Variants in SNRPN observed in about 807,000 individuals in gnomAD.
SNRPN encodes the protein small nuclear ribonucleoprotein polypeptide N, also known as small nuclear ribonucleoprotein-associated protein N.
Under a neutral mutation model 25.2 loss-of-function variants are expected in SNRPN, and 7 were observed. The ratio of observed to expected loss-of-function variants is 0.28; its 90% CI spans 0.16 to 0.52. The LOEUF (loss-of-function observed/expected upper bound fraction) is 0.52, where lower values mean the gene tolerates loss of function less well. Ranked by LOEUF, SNRPN falls within the 20% of genes least tolerant of loss-of-function variation. SNRPN has a pLI of 0.96. For synonymous variants in SNRPN, 124 were observed against 110.6 expected (o/e 1.12, Z -0.76); for missense variants, 196 against 322.5 (o/e 0.61, Z 3.00).
At chr15:24,871,634 T>A (rs947264072) in intron 1 of SNRPN, among the ~76,000 whole-genome samples, 2 of 152,020 alleles carry the variant, frequency 1.3e-5, no homozygotes, top group Admixed American at 1.3e-4. Context: ...TGTCTTTTAT[T>A]TTTTGAGATG....
intron 1 of SNRPN, among the ~76,000 whole-genome samples, chr15:24,825,275 C>A (rs2050000490): frequency 6.9e-6 from 1 of 144,428 alleles, no homozygotes; most frequent in Admixed American, 7.0e-5. Context: ...GCGCCATTGA[C>A]CTTAAATTTC....
chr15:24,846,183 A>C (rs1375663804), intron 2 of SNRPN, among the ~76,000 whole-genome samples: 1 of 152,198 alleles, frequency 6.6e-6, no homozygotes, highest in Admixed American at 6.5e-5. Flanking sequence ...CAATCTGATC[A>C]GCATTTTCTA....
chr15:24,913,366 G>T (rs1009026821), intron 2 of SNRPN, among the ~76,000 whole-genome samples: 2 of 152,138 alleles, frequency 1.3e-5, no homozygotes, highest in Non-Finnish European at 2.9e-5. Flanking sequence ...ATAAGGGCTG[G>T]GCATAGTGGC....
intron 3 of SNRPN, among the ~76,000 whole-genome samples, chr15:24,971,337 T>C (rs2076374240): frequency 6.6e-6 from 1 of 152,152 alleles, no homozygotes; most frequent in Admixed American, 6.5e-5. Context: ...AAGATAAATT[T>C]GACCACTCTG....
intron 2 of SNRPN, among the ~76,000 whole-genome samples, chr15:24,964,379 G>A (rs1566962030): frequency 1.3e-5 from 2 of 151,852 alleles, no homozygotes; most frequent in Admixed American, 1.3e-4. Context: ...TGCAACCTCC[G>A]CCTACCAAGT....
chr15:24,875,622 T>C (rs1286777406), intron 1 of SNRPN, among the ~76,000 whole-genome samples: 1 of 152,148 alleles, frequency 6.6e-6, no homozygotes, highest in Non-Finnish European at 1.5e-5. Context: ...TTAATATGTA[T>C]GTATAAGAGT....
exon 1 of SNRPN, chr15:24,823,705 G>A (rs1244026111): frequency 6.6e-6 from 1 of 152,196 alleles, no homozygotes; most frequent in Non-Finnish European, 1.5e-5. Flanking sequence ...GTGGTTTGCG[G>A]GGGCAAGGTC....
upstream of SNRPN, among the ~76,000 whole-genome samples, chr15:24,953,786 C>T (rs924344584): frequency 9.9e-5 from 15 of 152,176 alleles, no homozygotes; most frequent in African/African-American, 3.6e-4. Context: ...TTTTTTCCAT[C>T]AGCCATATTG....
chr15:24,881,847 C>T (rs954504936), intron 1 of SNRPN, among the ~76,000 whole-genome samples: 5 of 152,112 alleles, frequency 3.3e-5, no homozygotes, highest in Non-Finnish European at 7.4e-5. Context: ...TATGTATAAT[C>T]GTCAAGTCTT....
chr15:24,899,113 C>G (rs979469065), intron 2 of SNRPN, among the ~76,000 whole-genome samples: 2 of 152,170 alleles, frequency 1.3e-5, no homozygotes, highest in African/African-American at 4.8e-5. Context: ...ACCCCAGACA[C>G]GTTCCAAGAC....
intron 1 of SNRPN, among the ~76,000 whole-genome samples, chr15:24,877,753 G>A (rs144193437): frequency 0.066 from 10,059 of 152,258 alleles, 458 homozygotes; most frequent in Non-Finnish European, 0.1. Flanking sequence ...TCGGGAGGTT[G>A]GGGCAGGAGA....
chr15:24,968,369 C>T (rs963018632), intron 3 of SNRPN: 7 of 217,412 alleles, frequency 3.2e-5, no homozygotes, highest in African/African-American at 1.7e-4. Context: ...TCTTGAATAC[C>T]CTGTTACTGA....
intron 1 of SNRPN, among the ~76,000 whole-genome samples, chr15:24,859,739 G>T (rs2053813887): frequency 6.6e-6 from 1 of 152,170 alleles, no homozygotes; most frequent in Non-Finnish European, 1.5e-5. Flanking sequence ...CAGCCCTGTG[G>T]GCTGCTGGAT....
chr15:24,863,753 A>G (rs1047948432), intron 1 of SNRPN, among the ~76,000 whole-genome samples: 15 of 150,892 alleles, frequency 9.9e-5, no homozygotes, highest in South Asian at 2.1e-4. Context: ...CATGTTCATA[A>G]GCAGGAGTTC....
chr15:24,954,860 T>G, upstream of SNRPN: 9 of 734,164 alleles, frequency 1.2e-5, no homozygotes, highest in East Asian at 2.7e-5. Flanking sequence ...GTCATTCCGG[T>G]GAGGGAGGGA....
In SNRPN at chr15:24,976,935, C is replaced by A. The variant is rs1294150531; in HGVS notation, c.326C>A (p.Ala109Glu). 2 of 1,608,758 alleles carry A rather than the reference C, an allele frequency of 1.2e-6. No homozygotes were observed. The highest frequency in any genetic ancestry group is 1.7e-6 in the Non-Finnish European group (2 of 1,178,434). ...GCTGGAGGCCCTGGGGTTGGTAGGG[C>A]AGCTGGTAGAGGAGTACCAGCTGGT... ...GAAGGPGVGR[A>E]AGRGVPAGVP... is the part of the protein sequence containing the mutation. The change falls in exon 7 of 10, where the codon GCA becomes GAA. Residue 109 changes from alanine (A) to glutamate (E), a missense_variant. Physicochemically the swap from Ala to Glu is moderately radical, Grantham distance 107. Transcript: ENST00000390687.
At chr15:24,931,492 A>G (rs1439456950) in intron 3 of SNRPN, among the ~76,000 whole-genome samples, 1 of 152,044 alleles carries the variant, frequency 6.6e-6, no homozygotes, top group African/African-American at 2.4e-5. Context: ...GCAGAGGCTG[A>G]GGCAGAAGGA....
At chr15:24,914,635 A>G (rs371833984) in intron 2 of SNRPN, among the ~76,000 whole-genome samples, 1 of 152,244 alleles carries the variant, frequency 6.6e-6, no homozygotes, top group Non-Finnish European at 1.5e-5. Flanking sequence ...ATGGCTCCAG[A>G]GTCTAATTCA....
chr15:24,895,700 C>T (rs779618821), intron 2 of SNRPN, among the ~76,000 whole-genome samples: 1 of 152,064 alleles, frequency 6.6e-6, no homozygotes, highest in South Asian at 2.1e-4. Flanking sequence ...CAAAGGTACT[C>T]TCTTTGTGTT....
Sources: allele counts gnomAD v4.1 joint callset (sites outside exome capture counted in the v4.1 genomes callset), GRCh38; gene constraint gnomAD v4.1.1; transcripts MANE v1.5; gene names NCBI Gene and HGNC (gene_info 2026-07-23, HGNC 2026-07-21).